Variants in PYROXD2 observed in about 807,000 individuals in gnomAD.
PYROXD2 encodes the protein pyridine nucleotide-disulphide oxidoreductase domain 2.
A neutral mutation model predicts 71.1 loss-of-function variants in PYROXD2; 69 were observed. That is an observed-to-expected ratio of 0.97 (90% confidence interval 0.80 to 1.19). The LOEUF is 1.19. Ranked by LOEUF, PYROXD2 falls within the 50% of genes most tolerant of loss-of-function variation. PYROXD2 has a pLI of 0.00. For synonymous variants in PYROXD2, 287 were observed against 302.7 expected (o/e 0.95, Z 0.54); for missense variants, 745 against 748.9 (o/e 0.99, Z 0.06).
At chr10:98,387,595 T>C (rs914389541) in intron 13 of PYROXD2, among the ~76,000 whole-genome samples, 1 of 151,138 alleles carries the variant, frequency 6.6e-6, no homozygotes, top group African/African-American at 2.4e-5. Context: ...CATATGCAGC[T>C]TTTTTCACCT....
In PYROXD2 at chr10:98,395,220, G is replaced by T; in HGVS notation, c.761C>A (p.Thr254Lys). ...LATDAVIGAM[T>K]SPHTPGSGYV... ...CCCACTCCCCGGAGTGTGGGGACTT[G>T]TCATGGCTCCAATCACTGCATCTGT... Residue 254 changes from threonine to lysine, a missense_variant, in exon 8 of 16, where the codon ACA becomes AAA. Thr to Lys is a moderately conservative substitution (Grantham distance 78). Coordinates refer to ENST00000370575, the MANE Select transcript of PYROXD2 (RefSeq NM_032709.3). 1 of 1,614,154 alleles carries T rather than the reference G, an allele frequency of 6.2e-7. No individual in the cohort carries two copies. Among genetic ancestry groups the T allele is most frequent in the Non-Finnish European group, 8.5e-7 (1 of 1,180,016 alleles).
chr10:98,400,001 A>G, intron 5 of PYROXD2, 101 bp downstream of exon 5: 1 of 1,422,052 alleles, frequency 7.0e-7, no homozygotes, highest in Admixed American at 2.3e-5. Context: ...GGCCTGGCGC[A>G]GTGTCCATGG....
intron 4 of PYROXD2, among the ~76,000 whole-genome samples, chr10:98,406,433 C>T (rs1843599206): frequency 6.6e-6 from 1 of 152,294 alleles, no homozygotes. Context: ...GACCAGCGAC[C>T]CATCCCCAGG....
chr10:98,388,391 G>A lies in PYROXD2; in HGVS notation c.1410C>T (p.Ala470=), dbSNP rs1179933374. 1 of 1,613,788 alleles carries A rather than the reference G, an allele frequency of 6.2e-7. No homozygotes were observed. The highest frequency in any genetic ancestry group is 1.1e-5 in the South Asian group (1 of 91,002). The change falls in exon 13 of 16, where the codon GCC becomes GCT. Residue 470 remains alanine (A), a synonymous_variant. Coordinates refer to ENST00000370575, the MANE Select transcript of PYROXD2 (RefSeq NM_032709.3). ...YMPYTLAGGK[A]WDEQERDAYA... ...AAGCGTCTCTCTCCTGCTCGTCCCAGGCCTTGCCTCCAGCCAGCGTATAGG... is the reference window on the plus strand; with the variant it reads ...AAGCGTCTCTCTCCTGCTCGTCCCAAGCCTTGCCTCCAGCCAGCGTATAGG...
chr10:98,390,568 A>T, intron 12 of PYROXD2, 30 bp downstream of exon 12: 4 of 1,539,894 alleles, frequency 2.6e-6, no homozygotes, highest in Non-Finnish European at 3.5e-6. Flanking sequence ...GTGGAAGAAC[A>T]TCAGGGAACA....
chr10:98,392,393 G>T lies in PYROXD2; in HGVS notation c.1062+39C>A, dbSNP rs1229265680. Reference sequence around the variant, plus strand: ...CCCACGATTTCTAACCCCTGTTTTGGCAGACATCTAAGCTCCACCCTCCTG... The same window carrying T: ...CCCACGATTTCTAACCCCTGTTTTGTCAGACATCTAAGCTCCACCCTCCTG... On this transcript the variant is annotated intron_variant, in intron 10 of 15. Transcript: ENST00000370575. The T allele has an allele frequency of 2.5e-6, 4 of 1,600,824 alleles. No homozygotes were observed. The East Asian group carries it at 6.7e-5, about 27-fold the overall frequency.
At chr10:98,391,139 C>T in intron 10 of PYROXD2, 57 bp from the exon 11 acceptor site, 1 of 1,121,890 alleles carries the variant, frequency 8.9e-7, no homozygotes, top group East Asian at 2.3e-5. Context: ...AAGGAAGCTG[C>T]CTTCTTTCTT....
In PYROXD2 at chr10:98,395,238, G is replaced by A. The variant is rs767157899; in HGVS notation, c.743C>T (p.Ala248Val). The A allele has an allele frequency of 9.3e-6, 15 of 1,614,038 alleles. No homozygotes were observed. The highest frequency in any genetic ancestry group is 1.7e-5 in the Admixed American group (1 of 60,006). ...GGGACTTGTCATGGCTCCAATCACT[G>A]CATCTGTGGCTAGAGTGGCTTTTAA... ...EPLKATLATD[A>V]VIGAMTSPHT... Residue 248 changes from alanine to valine, a missense_variant, in exon 8 of 16, where the codon GCA becomes GTA. By Grantham distance (64) the Ala-to-Val change is moderately conservative. Coordinates refer to ENST00000370575, the MANE Select transcript of PYROXD2 (RefSeq NM_032709.3).
chr10:98,401,267 C>CAAAAAA (rs1189449237), intron 4 of PYROXD2, among the ~76,000 whole-genome samples: 1 of 127,580 alleles, frequency 7.8e-6, no homozygotes, highest in African/African-American at 3.1e-5. Flanking sequence ...AAAAAAAAAA[C>CAAAAAA]AAAAAAAAAC....
intron 4 of PYROXD2, among the ~76,000 whole-genome samples, chr10:98,407,333 G>C (rs1843631823): frequency 6.6e-6 from 1 of 152,164 alleles, no homozygotes; most frequent in African/African-American, 2.4e-5. Context: ...GGGTGAAAAA[G>C]CTCATTCTTC....
At position 98,407,976 on chromosome 10, in the gene PYROXD2, CCA is replaced by C. The variant is rs563136268; in HGVS notation, c.167_168del (p.Leu56ArgfsTer20). 287 of 1,608,112 alleles carry C rather than the reference CCA, an allele frequency of 1.8e-4. No homozygotes were observed. The African/African-American group carries it at 3.5e-3, about 20-fold the overall frequency. On this transcript the variant is annotated frameshift_variant, in exon 3 of 16. Transcript: ENST00000370575. LOFTEE classifies it high-confidence loss of function. ...GLVAAAYLQRLGVNTAVFERR... is the reference protein window; with the variant it reads ...GLVAAAYLQRXGVNTAVFERR... ...CTCTCGAAGACGGCGGTGTTCACCC[CCA>C]GTCTCTGCAGGTACGCTGCCTGGGA...
At chr10:98,414,028 GTA>G (rs1473576979) in intron 1 of PYROXD2, 4 of 151,714 alleles carry the variant, frequency 2.6e-5, no homozygotes, top group Non-Finnish European at 4.4e-5. Flanking sequence ...ATAAGCATGT[GTA>G]TATGTGTATA....
chr10:98,397,320 C>T lies in PYROXD2; in HGVS notation c.625+25G>A, dbSNP rs1387344282. The T allele has an allele frequency of 3.2e-6, 5 of 1,562,294 alleles. No individual in the cohort carries two copies. The South Asian group carries it at 3.6e-5, about 11-fold the overall frequency. Reference sequence around the variant, plus strand: ...ACCTCCTTGAAGGTCACTCATCATGCCCTGGTGCCTGCACTTGGACTTACC... The same window carrying T: ...ACCTCCTTGAAGGTCACTCATCATGTCCTGGTGCCTGCACTTGGACTTACC... On this transcript the variant is annotated intron_variant, in intron 6 of 15. Coordinates refer to ENST00000370575, the MANE Select transcript of PYROXD2 (RefSeq NM_032709.3).
chr10:98,384,914 C>T (rs1358913534), intron 15 of PYROXD2, 33 bp downstream of exon 15: 3 of 1,573,450 alleles, frequency 1.9e-6, no homozygotes, highest in Non-Finnish European at 1.7e-6. Context: ...CCCTCCCAGT[C>T]CCCACAGGGT....
intron 14 of PYROXD2, 37 bp from the exon 15 acceptor site, chr10:98,385,104 G>A: frequency 6.2e-7 from 1 of 1,610,508 alleles, no homozygotes. Context: ...GCACAGGAGA[G>A]TTACAGCCTT....
rs1288132813 is a variant in PYROXD2 at position 98,388,321 on chromosome 10, G to A, written c.1447+33C>T. On this transcript the variant is annotated intron_variant, in intron 13 of 15. Coordinates refer to ENST00000370575, the MANE Select transcript of PYROXD2 (RefSeq NM_032709.3). ...CCAGTTGGGTCGCATGCCCGGCTGT[G>A]GCTCTGGAGGCAGAACGTGCAGCTG... The A allele has an allele frequency of 3.7e-6, 6 of 1,612,236 alleles. No homozygotes were observed. The African/African-American group carries it at 8.0e-5, about 22-fold the overall frequency.
intron 2 of PYROXD2, chr10:98,410,623 G>T: frequency 4.8e-6 from 2 of 414,998 alleles, no homozygotes; most frequent in Non-Finnish European, 4.3e-6. Flanking sequence ...CTGCTCTCAT[G>T]CTGTGTTGGT....
At chr10:98,387,414 A>G in intron 13 of PYROXD2, 107 bp from the exon 14 acceptor site, 9 of 722,090 alleles carry the variant, frequency 1.2e-5, no homozygotes, top group Non-Finnish European at 2.1e-5. Context: ...ACACACAGAA[A>G]TGGGCTTATT....
At position 98,410,957 on chromosome 10, in the gene PYROXD2, T is replaced by C. The variant is rs1211512347; in HGVS notation, c.129A>G (p.Gly43=). ...PEYDAVVIGA[G]HNGLVAAAYL... ...TACTCACAGCCACCAGTCCGTTGTGTCCTGCAACAAAACGGGACAGGGAAG... is the reference window on the plus strand; with the variant it reads ...TACTCACAGCCACCAGTCCGTTGTGCCCTGCAACAAAACGGGACAGGGAAG... The change falls in exon 2 of 16, where the codon GGA becomes GGG. Residue 43 remains glycine (G), a splice_region_variant and synonymous_variant. Transcript: ENST00000370575. 2 of 1,563,648 alleles carry C rather than the reference T, an allele frequency of 1.3e-6. No individual in the cohort carries two copies. Among genetic ancestry groups the C allele is most frequent in the South Asian group, 2.4e-5 (2 of 84,786 alleles).
Sources: allele counts gnomAD v4.1 joint callset (sites outside exome capture counted in the v4.1 genomes callset), GRCh38; gene constraint gnomAD v4.1.1; transcripts MANE v1.5; gene names NCBI Gene and HGNC (gene_info 2026-07-23, HGNC 2026-07-21).